EPB41: variants seen among roughly 807,000 people sequenced by gnomAD.
The protein encoded by EPB41 is erythrocyte membrane protein band 4.1, also known as protein 4.1.
A neutral mutation model predicts 108.0 loss-of-function variants in EPB41; 65 were observed. The observed-to-expected ratio is 0.60, with a 90% confidence interval of 0.49 to 0.74. The LOEUF (loss-of-function observed/expected upper bound fraction) is 0.74, where lower values mean the gene tolerates loss of function less well. EPB41 is among the 30% of genes least tolerant of loss of function. The pLI is 0.00. For synonymous variants in EPB41, 336 were observed against 358.9 expected (o/e 0.94, Z 0.72); for missense variants, 875 against 1,037.0 (o/e 0.84, Z 2.15).
chr1:29,030,599 G>A lies in EPB41; in HGVS notation c.1212+112G>A, dbSNP rs76101330. 233 of 877,028 alleles carry A rather than the reference G, an allele frequency of 2.7e-4. 1 individual carries two copies. Among genetic ancestry groups the A allele is most frequent in the African/African-American group, 2.5e-3 (151 of 60,078 alleles). The allele number at this position is 877,028 out of a possible 1,614,324, so 54.3% of individuals were successfully genotyped here. A position where few individuals can be genotyped will look rare whatever the true frequency, so the allele number is the denominator to read the frequency against. Reference sequence around the variant, plus strand: ...TATAATACTTTTTAACAACATCTGGGGTATTTTAAAACATTCAAAAGAGAT... The same window carrying A: ...TATAATACTTTTTAACAACATCTGGAGTATTTTAAAACATTCAAAAGAGAT... On this transcript the variant is annotated intron_variant, in intron 8 of 20. Transcript: ENST00000343067.
At chr1:29,015,540 C>T (rs2096566633) in intron 5 of EPB41, 152 bp from the exon 6 acceptor site, 1 of 606,036 alleles carries the variant, frequency 1.7e-6, no homozygotes, top group Admixed American at 2.9e-5. Flanking sequence ...CGCTACGGCA[C>T]TCCAGCCTGG....
chr1:29,091,822 A>G (rs1293808035), intron 16 of EPB41, among the ~76,000 whole-genome samples: 2 of 152,152 alleles, frequency 1.3e-5, no homozygotes, highest in African/African-American at 4.8e-5. Flanking sequence ...TCTACCTAAT[A>G]TGAATTCAAC....
At position 29,108,780 on chromosome 1, in the gene EPB41, C is replaced by T. The variant is rs1006238251; in HGVS notation, c.2314-556C>T. ...CTCTGTTGGCCAGGCTGGTCTCAAA[C>T]CCCTGACCTCAGGTGATCCACCCGC... is the stretch of plus-strand genomic sequence containing the variant. On this transcript the variant is annotated intron_variant, in intron 17 of 20. Coordinates refer to ENST00000343067, the MANE Select transcript of EPB41 (RefSeq NM_001376013.1). 2.7e-5 allele frequency among the ~76,000 whole-genome samples: 4 copies of T among 150,522 alleles called. 1 individual carries two copies. The highest frequency in any genetic ancestry group is 9.8e-5 in the African/African-American group (4 of 40,908).
intron 1 of EPB41, among the ~76,000 whole-genome samples, chr1:28,888,651 G>A (rs1355181171): frequency 6.6e-6 from 1 of 152,166 alleles, no homozygotes; most frequent in Non-Finnish European, 1.5e-5. Context: ...CTTTTGAGAC[G>A]GAGTCTCGCT....
At chr1:28,898,582 T>A (rs1336859461) in intron 1 of EPB41, among the ~76,000 whole-genome samples, 1 of 152,266 alleles carries the variant, frequency 6.6e-6, no homozygotes, top group East Asian at 1.9e-4. Context: ...GCCATCATTA[T>A]TTAGACTCCT....
At position 29,059,716 on chromosome 1, in the gene EPB41, T is replaced by A. The variant is rs527678755; in HGVS notation, c.1945-706T>A. Among the ~76,000 whole-genome samples the A allele has an allele frequency of 2.0e-5, 3 of 152,254 alleles. No individual in the cohort carries two copies. The South Asian group carries it at 6.2e-4, about 32-fold the overall frequency. On this transcript the variant is annotated intron_variant, in intron 14 of 20. Transcript: ENST00000343067. ...TCACTTGCGTCCAGGAGGTTAAGGC[T>A]GCTGTGAGCCACAGCTGCACCACTA...
chr1:29,040,613 G>A (rs866151326), intron 11 of EPB41, among the ~76,000 whole-genome samples: 77 of 152,186 alleles, frequency 5.1e-4, no homozygotes, highest in South Asian at 1.2e-3. Flanking sequence ...AGTTTGCCAC[G>A]TGGCAATTAT....
At chr1:28,929,266 C>T (rs958725011) in intron 1 of EPB41, among the ~76,000 whole-genome samples, 1 of 151,198 alleles carries the variant, frequency 6.6e-6, no homozygotes, top group Non-Finnish European at 1.5e-5. Flanking sequence ...TGCTCTGTCG[C>T]CCAGGCTGGA....
chr1:28,947,824 A>G (rs1200435011), intron 1 of EPB41, among the ~76,000 whole-genome samples: 1 of 152,188 alleles, frequency 6.6e-6, no homozygotes, highest in Non-Finnish European at 1.5e-5. Context: ...CAACAAACAA[A>G]CAGCAGTTAT....
chr1:29,030,655 A>G (rs1378887464), intron 8 of EPB41, among the ~76,000 whole-genome samples, 168 bp downstream of exon 8: 1 of 152,038 alleles, frequency 6.6e-6, no homozygotes, highest in Non-Finnish European at 1.5e-5. Flanking sequence ...TCATGCCTGT[A>G]GTCCCAGCTA....
intron 8 of EPB41, among the ~76,000 whole-genome samples, chr1:29,031,132 C>T (rs911670286): frequency 3.9e-5 from 6 of 152,194 alleles, no homozygotes; most frequent in Admixed American, 1.3e-4. Context: ...TTAAGTGTAT[C>T]AGTTAAATCA....
At chr1:29,079,037 C>T (rs1340863621) in intron 16 of EPB41, among the ~76,000 whole-genome samples, 1 of 151,748 alleles carries the variant, frequency 6.6e-6, no homozygotes, top group Non-Finnish European at 1.5e-5. Context: ...CTCTTGTTGC[C>T]CAGGCTGGAG....
chr1:29,097,957 C>T, intron 17 of EPB41, 22 bp downstream of exon 17: 1 of 1,613,934 alleles, frequency 6.2e-7, no homozygotes, highest in Non-Finnish European at 8.5e-7. Context: ...TTTGATGCTT[C>T]AGAACCAAAG....
At chr1:29,055,930 C>CA (rs35702090) in intron 12 of EPB41, among the ~76,000 whole-genome samples, 6,616 of 59,204 alleles carry the variant, frequency 0.11, 605 homozygotes, top group African/African-American at 0.25. Flanking sequence ...AAGACTGTCT[C>CA]AAAAAAAAAA....
At chr1:28,928,496 G>A (rs1017405355) in intron 1 of EPB41, among the ~76,000 whole-genome samples, 1 of 152,216 alleles carries the variant, frequency 6.6e-6, no homozygotes, top group African/African-American at 2.4e-5. Context: ...TGGGTTAGAG[G>A]TAGGGAGGCC....
chr1:28,982,325 A>G (rs996759780), intron 1 of EPB41: 7 of 634,328 alleles, frequency 1.1e-5, no homozygotes, highest in Middle Eastern at 4.6e-4. Context: ...CCTGTCTTTT[A>G]TCTCTTTTCA....
At chr1:29,112,967 AT>A (rs1669703117) in intron 19 of EPB41, among the ~76,000 whole-genome samples, 1 of 152,202 alleles carries the variant, frequency 6.6e-6, no homozygotes, top group Non-Finnish European at 1.5e-5. Flanking sequence ...GGAGCATAGT[AT>A]GGTGGACAAG....
chr1:28,887,760 C>A lies in EPB41; in HGVS notation c.-8+550C>A. The A allele has an allele frequency of 1.1e-6, 1 of 904,572 alleles. No homozygotes were observed. Among genetic ancestry groups the A allele is most frequent in the Non-Finnish European group, 1.3e-6 (1 of 756,028 alleles). The allele number at this position is 904,572 out of a possible 1,614,324, so 56.0% of individuals were successfully genotyped here. ...CCGCCAGCTGGGGCGCCGGCTGTGC[C>A]CGCCAGGGTGGCCCCCCCGGCCGTC... is the stretch of plus-strand genomic sequence containing the variant. On this transcript the variant is annotated intron_variant, in intron 1 of 16. Transcript: ENST00000347529. The surrounding 1 kb of genome is among the most constrained non-coding windows in gnomAD (Gnocchi z 4.9).
intron 1 of EPB41, among the ~76,000 whole-genome samples, chr1:28,904,215 T>C (rs1011136641): frequency 2.7e-5 from 4 of 150,490 alleles, no homozygotes; most frequent in Non-Finnish European, 5.9e-5. Flanking sequence ...CACTCAAGTA[T>C]GGGATCATAA....
Sources: gnomAD v4.1 joint callset for allele counts (sites outside exome capture counted in the v4.1 genomes callset) on GRCh38, gnomAD v4.1.1 for gene constraint, Gnocchi (gnomAD v3.1) non-coding constraint, MANE v1.5 for transcripts, NCBI Gene and HGNC (gene_info 2026-07-23, HGNC 2026-07-21) for gene names.